The following PNLIPRP3 variants were observed in gnomAD, a reference collection of about 807,000 sequenced individuals.
The protein encoded by PNLIPRP3 is pancreatic lipase related protein 3, also known as pancreatic lipase-related protein 3.
A neutral mutation model predicts 52.8 loss-of-function variants in PNLIPRP3; 58 were observed. The ratio of observed to expected loss-of-function variants is 1.10; its 90% CI spans 0.89 to 1.37. The LOEUF is 1.37. Among genes scored for constraint, PNLIPRP3 ranks in the 40% most tolerant of loss-of-function variants. The pLI is 0.00. For missense variants in PNLIPRP3, 593 were observed against 561.6 expected (o/e 1.06, Z -0.57); for synonymous variants, 192 against 185.0 (o/e 1.04, Z -0.31).
Position 116,448,313 on chromosome 10 carries a change from C to A in PNLIPRP3, c.456+3800C>A, listed in dbSNP as rs139791589. On this transcript the variant is annotated intron_variant, in intron 4 of 11. Transcript: ENST00000369230. ...GAACAAGTAAAAGTGTTGACTTTGG[C>A]GTATATGATTGAAATTAAGTTGTTA... Among the ~76,000 whole-genome samples the A allele has an allele frequency of 8.0e-4, 121 of 152,112 alleles. 3 individuals are homozygous for A. The highest frequency in any genetic ancestry group is 7.2e-3 in the Admixed American group (110 of 15,278).
intron 4 of PNLIPRP3, among the ~76,000 whole-genome samples, chr10:116,448,133 C>A (rs1845982483): frequency 6.6e-6 from 1 of 151,818 alleles, no homozygotes. Flanking sequence ...TAGACAAATA[C>A]AAAATACTGT....
In PNLIPRP3 at chr10:116,446,228, C is replaced by T. The variant is rs1845948592; in HGVS notation, c.456+1715C>T. Among the ~76,000 whole-genome samples the T allele has an allele frequency of 2.0e-5, 3 of 151,614 alleles. No homozygotes were observed. In the South Asian group the frequency reaches 6.2e-4, roughly 32 times the overall value. On this transcript the variant is annotated intron_variant, in intron 4 of 11. Coordinates refer to ENST00000369230, the MANE Select transcript of PNLIPRP3 (RefSeq NM_001011709.3). ...GGGTGTGTTGGCGGGCACCTGTAGT[C>T]CCAGCTACTCGGGAGGCTGAGGCAG...
chr10:116,439,611 A>G (rs1382855165), intron 2 of PNLIPRP3: 7 of 773,454 alleles, frequency 9.1e-6, no homozygotes, highest in South Asian at 2.7e-5. Context: ...CAGCTTTGCC[A>G]CCTTAGTGAT....
intron 2 of PNLIPRP3, among the ~76,000 whole-genome samples, chr10:116,437,936 A>G (rs762593005): frequency 1.3e-4 from 20 of 152,186 alleles, no homozygotes; most frequent in Admixed American, 6.5e-5. Flanking sequence ...ATAGAAAGCT[A>G]TAGTGCAGTT....
chr10:116,434,914 G>GAA (rs1009970756), intron 1 of PNLIPRP3, among the ~76,000 whole-genome samples: 57 of 152,064 alleles, frequency 3.7e-4, no homozygotes, highest in Non-Finnish European at 3.1e-4. Context: ...TCCAGGAAGA[G>GAA]AAAAAAAGGC....
intron 9 of PNLIPRP3, among the ~76,000 whole-genome samples, chr10:116,469,970 CAAAA>C (rs34958696): frequency 2.3e-5 from 3 of 131,502 alleles, no homozygotes; most frequent in Non-Finnish European, 1.7e-5. Flanking sequence ...ACAATTCAGG[CAAAA>C]AAAAAAAAAA....
chr10:116,450,065 C>A lies in PNLIPRP3; in HGVS notation c.456+5552C>A, dbSNP rs545590140. Among the ~76,000 whole-genome samples, 5 of 152,138 alleles carry A rather than the reference C, an allele frequency of 3.3e-5. No homozygotes were observed. The East Asian group carries it at 7.7e-4, about 23-fold the overall frequency. ...CATTAGACAAATGAAAACAAAAACA[C>A]AACATACCAAAACCTATGGGATTCA... is the stretch of plus-strand genomic sequence containing the variant. On this transcript the variant is annotated intron_variant, in intron 4 of 11. Transcript: ENST00000369230.
At position 116,443,043 on chromosome 10, in the gene PNLIPRP3, T is replaced by C. The variant is rs776517028; in HGVS notation, c.205-12T>C. 4.5e-6 allele frequency: 7 copies of C among 1,555,412 alleles called. No individual in the cohort carries two copies. The highest frequency in any genetic ancestry group is 4.4e-6 in the Non-Finnish European group (5 of 1,144,980). ...TTATTATTTTTCCTTAATCTCTTTCTGCTTGAAACAGGAGATCAGTGCGGT... is the reference window on the plus strand; with the variant it reads ...TTATTATTTTTCCTTAATCTCTTTCCGCTTGAAACAGGAGATCAGTGCGGT... On this transcript the variant is annotated splice_polypyrimidine_tract_variant and intron_variant, in intron 2 of 11. Transcript: ENST00000369230.
intron 5 of PNLIPRP3, among the ~76,000 whole-genome samples, chr10:116,456,770 C>T (rs1006215007): frequency 6.6e-6 from 1 of 152,210 alleles, no homozygotes; most frequent in Non-Finnish European, 1.5e-5. Context: ...GCCTCTCCCT[C>T]TGCATCCCCC....
chr10:116,434,474 C>T (rs1345416261), intron 1 of PNLIPRP3, among the ~76,000 whole-genome samples: 1 of 152,078 alleles, frequency 6.6e-6, no homozygotes, highest in Non-Finnish European at 1.5e-5. Flanking sequence ...TTTTACAGAA[C>T]TATTAATCTT....
intron 10 of PNLIPRP3, 48 bp from the exon 11 acceptor site, chr10:116,476,604 T>C (rs1163200969): frequency 7.0e-7 from 1 of 1,433,536 alleles, no homozygotes; most frequent in South Asian, 1.4e-5. Context: ...TTTCATTCAG[T>C]GCTGTGAATA....
chr10:116,456,600 T>G (rs1365326018), intron 5 of PNLIPRP3, among the ~76,000 whole-genome samples: 1 of 152,236 alleles, frequency 6.6e-6, no homozygotes, highest in Admixed American at 6.5e-5. Context: ...GGATATACCG[T>G]TAAGTCTAAA....
intron 2 of PNLIPRP3, among the ~76,000 whole-genome samples, chr10:116,440,230 C>T (rs1845838006): frequency 6.6e-6 from 1 of 152,072 alleles, no homozygotes; most frequent in South Asian, 2.1e-4. Context: ...ATCCTTTTAT[C>T]CTTTTATATA....
intron 5 of PNLIPRP3, among the ~76,000 whole-genome samples, chr10:116,457,565 C>T (rs1206733002): frequency 6.6e-6 from 1 of 152,114 alleles, no homozygotes; most frequent in Non-Finnish European, 1.5e-5. Flanking sequence ...CTCACCTCCA[C>T]CACCACCACC....
At chr10:116,454,033 T>G (rs952582094) in intron 4 of PNLIPRP3, among the ~76,000 whole-genome samples, 29 of 151,794 alleles carry the variant, frequency 1.9e-4, no homozygotes, top group Non-Finnish European at 2.9e-4. Flanking sequence ...GAACATTCAG[T>G]GTTTGGTTTT....
At chr10:116,464,132 T>G (rs1333357573) in intron 7 of PNLIPRP3, among the ~76,000 whole-genome samples, 4 of 152,244 alleles carry the variant, frequency 2.6e-5, no homozygotes, top group African/African-American at 9.6e-5. Context: ...TGCTTGATAA[T>G]GACAAAACTA....
intron 8 of PNLIPRP3, among the ~76,000 whole-genome samples, chr10:116,466,764 C>T (rs764157531): frequency 1.3e-5 from 2 of 152,136 alleles, no homozygotes; most frequent in Non-Finnish European, 2.9e-5. Flanking sequence ...GCTTTAGAGA[C>T]CTAATCCCCT....
chr10:116,455,880 A>T (rs371524287), intron 5 of PNLIPRP3, 50 bp downstream of exon 5: 6 of 1,324,936 alleles, frequency 4.5e-6, no homozygotes, highest in Non-Finnish European at 6.5e-6. Context: ...TATTGTTTAC[A>T]CACACTACCA....
At chr10:116,457,336 C>G (rs1373968856) in intron 5 of PNLIPRP3, among the ~76,000 whole-genome samples, 2 of 151,818 alleles carry the variant, frequency 1.3e-5, no homozygotes, top group South Asian at 2.1e-4. Flanking sequence ...CTGCTGTGCT[C>G]TGTGTGCATG....
Sources: gnomAD v4.1 joint callset for allele counts (sites outside exome capture counted in the v4.1 genomes callset) on GRCh38, gnomAD v4.1.1 for gene constraint, MANE v1.5 for transcripts, NCBI Gene and HGNC (gene_info 2026-07-23, HGNC 2026-07-21) for gene names.